ADAMTS2: variants seen among roughly 807,000 people sequenced by gnomAD.
ADAMTS2 encodes the protein A disintegrin and metalloproteinase with thrombospondin motifs 2.
A neutral mutation model predicts 123.0 loss-of-function variants in ADAMTS2; 50 were observed. That is an observed-to-expected ratio of 0.41 (90% CI 0.32 to 0.51). The LOEUF (loss-of-function observed/expected upper bound fraction) is 0.51. Among genes scored for constraint, ADAMTS2 ranks in the 20% least tolerant of loss-of-function variants. The probability of loss-of-function intolerance (pLI) is 0.35; values close to 1 mark genes in which losing one functional copy is unlikely to be tolerated. For synonymous variants in ADAMTS2, 678 were observed against 695.4 expected (o/e 0.98, Z 0.39); for missense variants, 1,494 against 1,705.2 (o/e 0.88, Z 2.18).
intron 2 of ADAMTS2, among the ~76,000 whole-genome samples, chr5:179,273,521 C>G (rs1268341500): frequency 6.6e-6 from 1 of 152,164 alleles, no homozygotes; most frequent in African/African-American, 2.4e-5. Context: ...TGAATCTGCC[C>G]ACACACATGT....
intron 5 of ADAMTS2, among the ~76,000 whole-genome samples, chr5:179,176,965 C>T (rs1295398155): frequency 4.0e-5 from 6 of 151,886 alleles, no homozygotes; most frequent in South Asian, 2.1e-4. Flanking sequence ...GTGGGTGGAA[C>T]GGTCACTTCC....
intron 2 of ADAMTS2, among the ~76,000 whole-genome samples, chr5:179,310,324 C>T (rs1756794559): frequency 6.6e-6 from 1 of 152,246 alleles, no homozygotes. Context: ...GAGAACTGGT[C>T]TTGTTGTCTT....
chr5:179,171,035 C>A (rs915979862), intron 5 of ADAMTS2, among the ~76,000 whole-genome samples: 1 of 152,162 alleles, frequency 6.6e-6, no homozygotes, highest in Non-Finnish European at 1.5e-5. Context: ...AGCAATTGGA[C>A]GGGTTGAGTT....
chr5:179,159,112 G>A (rs1763546648), intron 5 of ADAMTS2, among the ~76,000 whole-genome samples: 1 of 152,192 alleles, frequency 6.6e-6, no homozygotes, highest in African/African-American at 2.4e-5. Flanking sequence ...CAAAGTCACC[G>A]CAGTTTTCAG....
intron 2 of ADAMTS2, among the ~76,000 whole-genome samples, chr5:179,278,708 G>C (rs536660588): frequency 6.6e-6 from 1 of 152,132 alleles, no homozygotes; most frequent in African/African-American, 2.4e-5. Flanking sequence ...CTGGGGGACA[G>C]AGAGAGGATC....
intron 3 of ADAMTS2, among the ~76,000 whole-genome samples, chr5:179,238,551 G>A (rs951261649): frequency 1.3e-5 from 2 of 152,114 alleles, no homozygotes; most frequent in African/African-American, 4.8e-5. Flanking sequence ...CACTGGAAGG[G>A]AACATGCAAG....
At chr5:179,223,498 A>G (rs1408063607) in intron 3 of ADAMTS2, among the ~76,000 whole-genome samples, 1 of 135,392 alleles carries the variant, frequency 7.4e-6, no homozygotes. Context: ...TCACACTCAC[A>G]TGCACACTCA....
intron 2 of ADAMTS2, among the ~76,000 whole-genome samples, chr5:179,277,324 CCGAGA>C: frequency 1.7e-5 from 1 of 57,844 alleles, no homozygotes; most frequent in Non-Finnish European, 3.1e-5. Context: ...GGCTGACACC[CCGAGA>C]CCAAAGGCTG....
rs1272376709 is a variant in ADAMTS2 at position 179,197,120 on chromosome 5, C to T, written c.891+10393G>A. ...AGATGCCTTACATCTGTCTGGTGGC[C>T]TCTGGCAGGCCTGAGAGTACGTGTT... is the stretch of plus-strand genomic sequence containing the variant. On this transcript the variant is annotated intron_variant, in intron 4 of 21. Transcript: ENST00000251582. This position sits in a 1 kb window ranked among gnomAD's most constrained non-coding sequence, Gnocchi z 4.2. Among the ~76,000 whole-genome samples, 2 of 152,222 alleles carry T rather than the reference C, an allele frequency of 1.3e-5. No homozygotes were observed. Among genetic ancestry groups the T allele is most frequent in the African/African-American group, 4.8e-5 (2 of 41,466 alleles).
rs574906448 is a variant in ADAMTS2, at chr5:179,253,019, G to A, written c.688+19892C>T. Among the ~76,000 whole-genome samples, 8 of 152,312 alleles carry A rather than the reference G, an allele frequency of 5.3e-5. No individual in the cohort carries two copies. The South Asian group carries it at 1.7e-3, about 32-fold the overall frequency. ...CGGTGACCTGTCTTTCCCCAGCAGC[G>A]TCTCCTGTCTTGAGGTCTGTTGAGT... On this transcript the variant is annotated intron_variant, in intron 3 of 21. Transcript: ENST00000251582.
In ADAMTS2 at chr5:179,228,002, C is replaced by T. The variant is rs1765326019; in HGVS notation, c.689-20287G>A. Among the ~76,000 whole-genome samples the T allele has an allele frequency of 6.6e-6, 1 of 152,074 alleles. No individual in the cohort carries two copies. Among genetic ancestry groups the T allele is most frequent in the Admixed American group, 6.5e-5 (1 of 15,286 alleles). ...GTTTCTGACCTGGGCAACCGGTCACCCTGGGAAGCCTTCCCTGCAAGGGAC... is the reference window on the plus strand; with the variant it reads ...GTTTCTGACCTGGGCAACCGGTCACTCTGGGAAGCCTTCCCTGCAAGGGAC... On this transcript the variant is annotated intron_variant, in intron 3 of 21. Coordinates refer to ENST00000251582, the MANE Select transcript of ADAMTS2 (RefSeq NM_014244.5). The surrounding 1 kb of genome is among the most constrained non-coding windows in gnomAD (Gnocchi z 5.2).
At chr5:179,160,908 C>T (rs1224759180) in intron 5 of ADAMTS2, among the ~76,000 whole-genome samples, 2 of 152,096 alleles carry the variant, frequency 1.3e-5, no homozygotes, top group African/African-American at 4.8e-5. Flanking sequence ...CCATTGAGAC[C>T]CTTCAGAGAG....
At chr5:179,160,094 T>G (rs929209419) in intron 5 of ADAMTS2, among the ~76,000 whole-genome samples, 5 of 152,214 alleles carry the variant, frequency 3.3e-5, no homozygotes, top group Non-Finnish European at 7.3e-5. Flanking sequence ...AAGCTACGTA[T>G]GCAGGTGTTT....
rs926644252 is a variant in ADAMTS2 at position 179,303,194 on chromosome 5, T to G, written c.535-30130A>C. Among the ~76,000 whole-genome samples, 1 of 152,160 alleles carries G rather than the reference T, an allele frequency of 6.6e-6. No homozygotes were observed. The highest frequency in any genetic ancestry group is 2.4e-5 in the African/African-American group (1 of 41,424). ...GGCAGGATCTCCCTCCCTCTCTCTA[T>G]GAAATTCCTGTTCAGCAGGGATCTG... On this transcript the variant is annotated intron_variant, in intron 2 of 21. Transcript: ENST00000251582. This position sits in a 1 kb window ranked among gnomAD's most constrained non-coding sequence, Gnocchi z 4.7.
Position 179,272,587 on chromosome 5 carries a change from C to T in ADAMTS2, c.688+324G>A, listed in dbSNP as rs1368454400. 2.6e-5 allele frequency among the ~76,000 whole-genome samples: 4 copies of T among 152,120 alleles called. No homozygotes were observed. Among genetic ancestry groups the T allele is most frequent in the African/African-American group, 7.2e-5 (3 of 41,440 alleles). On this transcript the variant is annotated intron_variant, in intron 3 of 21. Coordinates refer to ENST00000251582, the MANE Select transcript of ADAMTS2 (RefSeq NM_014244.5). This position sits in a 1 kb window ranked among gnomAD's most constrained non-coding sequence, Gnocchi z 5.8. ...GGCCGGGGGCCCCCGCCCCGCTCCA[C>T]GACACTTGCTTGCCTTTAGGCAACA...
At chr5:179,338,695 G>C (rs1757687930) in intron 2 of ADAMTS2, among the ~76,000 whole-genome samples, 1 of 152,226 alleles carries the variant, frequency 6.6e-6, no homozygotes, top group African/African-American at 2.4e-5. Flanking sequence ...ATGTTTTTAA[G>C]AGCAGTAAGA....
chr5:179,133,093 T>C (rs1762994219), intron 13 of ADAMTS2, among the ~76,000 whole-genome samples, 193 bp from the exon 14 acceptor site: 2 of 151,960 alleles, frequency 1.3e-5, no homozygotes, highest in Admixed American at 6.6e-5. Context: ...AGAGTGCGTC[T>C]AGTCATCAGT....
chr5:179,167,062 C>T (rs752419515), intron 5 of ADAMTS2, among the ~76,000 whole-genome samples: 5 of 152,326 alleles, frequency 3.3e-5, no homozygotes, highest in Admixed American at 2.6e-4. Context: ...CCGGCAGATG[C>T]TGACCCCAGC....
chr5:179,294,690 T>C (rs1756283364), intron 2 of ADAMTS2, among the ~76,000 whole-genome samples: 1 of 152,202 alleles, frequency 6.6e-6, no homozygotes, highest in Non-Finnish European at 1.5e-5. Context: ...CCCTGCCCCG[T>C]GTGCCCAGCT....
Sources: gnomAD v4.1 joint callset for allele counts (sites outside exome capture counted in the v4.1 genomes callset) on GRCh38, gnomAD v4.1.1 for gene constraint, Gnocchi (gnomAD v3.1) non-coding constraint, MANE v1.5 for transcripts, NCBI Gene and HGNC (gene_info 2026-07-23, HGNC 2026-07-21) for gene names.